The following MKNK1 variants were observed in gnomAD, a reference collection of about 807,000 sequenced individuals.
MKNK1 encodes MAP kinase-interacting serine/threonine-protein kinase 1.
Under a neutral mutation model 49.3 loss-of-function variants are expected in MKNK1, and 30 were observed. The observed-to-expected ratio is 0.61, with a 90% CI of 0.46 to 0.83. The LOEUF (loss-of-function observed/expected upper bound fraction) is 0.83, where lower values mean the gene tolerates loss of function less well. Among genes scored for constraint, MKNK1 ranks in the 40% least tolerant of loss-of-function variants. MKNK1 has a pLI of 0.00. For synonymous variants in MKNK1, 176 were observed against 201.7 expected, an observed-to-expected ratio of 0.87 and a Z score of 1.08; for missense variants, 423 against 524.7, an observed-to-expected ratio of 0.81 and a Z score of 1.89.
chr1:46,567,560 A>G (rs1020905104), intron 8 of MKNK1, among the ~76,000 whole-genome samples: 1 of 152,280 alleles, frequency 6.6e-6, no homozygotes, highest in Non-Finnish European at 1.5e-5. Context: ...AGAAGTCACA[A>G]GATCTTATTT....
intron 1 of MKNK1, among the ~76,000 whole-genome samples, chr1:46,596,089 C>A (rs773049755): frequency 1.2e-4 from 18 of 152,192 alleles, no homozygotes; most frequent in Non-Finnish European, 2.4e-4. Flanking sequence ...TAGGTTTAGA[C>A]CCCCACCTGG....
At chr1:46,565,725 C>T (rs1668942717) in intron 8 of MKNK1, among the ~76,000 whole-genome samples, 1 of 152,174 alleles carries the variant, frequency 6.6e-6, no homozygotes, top group South Asian at 2.1e-4. Flanking sequence ...TGCCTGAGAC[C>T]ACAGACAGGT....
At chr1:46,573,517 C>T (rs1008914849) in intron 6 of MKNK1, among the ~76,000 whole-genome samples, 2 of 152,048 alleles carry the variant, frequency 1.3e-5, no homozygotes, top group East Asian at 3.9e-4. Context: ...CTAAAAATGG[C>T]ACATGTCTAC....
At chr1:46,579,676 C>T (rs145801925) in intron 4 of MKNK1, among the ~76,000 whole-genome samples, 77 of 152,260 alleles carry the variant, frequency 5.1e-4, no homozygotes, top group African/African-American at 1.7e-3. Context: ...AGTTCCCAAG[C>T]GATGCTGAGG....
intron 2 of MKNK1, among the ~76,000 whole-genome samples, chr1:46,584,338 G>A (rs1432995719): frequency 6.6e-6 from 1 of 152,146 alleles, no homozygotes; most frequent in Non-Finnish European, 1.5e-5. Flanking sequence ...GAAATAATAA[G>A]ATTTCTCCGA....
rs377697282 is a variant in MKNK1, at chr1:46,593,956, C to T, written c.-3+157G>A. On this transcript the variant is annotated intron_variant, in intron 2 of 12. Coordinates refer to ENST00000371945, the MANE Select transcript of MKNK1 (RefSeq NM_001135553.4). ...GTAGAAATGTGTTCCTCCTACTAAG[C>T]GTTATCTGAGTCGTACCAGGGCAGC... The T allele has an allele frequency of 1.8e-3, 1,098 of 596,336 alleles. 23 individuals are homozygous for T. In the South Asian group the frequency reaches 0.023, roughly 12 times the overall value. The allele number at this position is 596,336 out of a possible 1,614,324, so 36.9% of individuals were successfully genotyped here. A position where few individuals can be genotyped will look rare whatever the true frequency, so the allele number is the denominator to read the frequency against.
At chr1:46,572,212 G>T in intron 6 of MKNK1, 45 bp from the exon 7 acceptor site, 1 of 1,525,478 alleles carries the variant, frequency 6.6e-7, no homozygotes, top group Non-Finnish European at 9.1e-7. Context: ...TTGGGCTCTA[G>T]TAAGTATAAG....
At chr1:46,560,190 G>A (rs1229152203) in intron 12 of MKNK1, 44 bp downstream of exon 12, 2 of 1,609,954 alleles carry the variant, frequency 1.2e-6, no homozygotes, top group African/African-American at 1.3e-5. Context: ...TGGTGGCTGA[G>A]AGCTTGAGGA....
chr1:46,598,534 G>A (rs1674357940), intron 1 of MKNK1, among the ~76,000 whole-genome samples: 1 of 152,108 alleles, frequency 6.6e-6, no homozygotes, highest in African/African-American at 2.4e-5. Flanking sequence ...ACCAAACTGG[G>A]CATTCATATA....
intron 3 of MKNK1, chr1:46,582,750 T>C (rs920176521): frequency 9.5e-5 from 38 of 398,878 alleles, no homozygotes; most frequent in Non-Finnish European, 1.4e-4. Flanking sequence ...ACGTATTCTT[T>C]AAAATGTAGT....
chr1:46,560,354 G>C, intron 11 of MKNK1, 77 bp from the exon 12 acceptor site: 1 of 1,495,874 alleles, frequency 6.7e-7, no homozygotes, highest in South Asian at 1.1e-5. Flanking sequence ...AGCCAGCAGT[G>C]GGTAGGTTAC....
chr1:46,592,347 T>C (rs1162088107), intron 2 of MKNK1, among the ~76,000 whole-genome samples: 1 of 152,216 alleles, frequency 6.6e-6, no homozygotes, highest in Admixed American at 6.5e-5. Flanking sequence ...ACAGTCTTAC[T>C]CATTGTTGCT....
intron 1 of MKNK1, among the ~76,000 whole-genome samples, chr1:46,596,854 C>T (rs1307754647): frequency 6.6e-6 from 1 of 152,170 alleles, no homozygotes; most frequent in African/African-American, 2.4e-5. Flanking sequence ...CAGTTGGCCG[C>T]AGGAGGGAAT....
rs987152729 is a variant in MKNK1, at chr1:46,560,446, C to A, written c.970-169G>T. Among the ~76,000 whole-genome samples the A allele has an allele frequency of 3.4e-4, 52 of 152,190 alleles. 1 individual carries two copies. Among genetic ancestry groups the A allele is most frequent in the Admixed American group, 6.5e-5 (1 of 15,286 alleles). On this transcript the variant is annotated intron_variant, in intron 11 of 12. Transcript: ENST00000371945. ...TTCCAAGCAGAGAGCAAGAAAGGTA[C>A]AATCTGCAGCCGCAGCCCCCAACAT...
At position 46,586,322 on chromosome 1, in the gene MKNK1, TG is replaced by T. The variant is rs1672563783; in HGVS notation, c.-2-2994del. 1.2e-5 allele frequency: 3 copies of T among 243,510 alleles called. No individual in the cohort carries two copies. In the South Asian group the frequency reaches 1.6e-4, roughly 13 times the overall value. 15.1% of individuals were successfully genotyped at this position (243,510 alleles called of 1,614,324 possible). ...TTTGCAGCTCCCTGATAACTCCAGA[TG>T]AGTTAAGGTTTCTACAGAGACTCTG... On this transcript the variant is annotated intron_variant, in intron 2 of 12. Transcript: ENST00000371945.
At chr1:46,570,574 C>A (rs1413084822) in intron 7 of MKNK1, among the ~76,000 whole-genome samples, 2 of 152,212 alleles carry the variant, frequency 1.3e-5, no homozygotes, top group East Asian at 3.8e-4. Context: ...TTGTGGGCAC[C>A]AGGTGGGATG....
chr1:46,561,119 C>A (rs1038778540), intron 11 of MKNK1, among the ~76,000 whole-genome samples: 2 of 152,216 alleles, frequency 1.3e-5, no homozygotes, highest in African/African-American at 4.8e-5. Context: ...CAGCGCAGCA[C>A]GGCCTTGCTC....
chr1:46,599,578 T>C (rs534873995), intron 1 of MKNK1, among the ~76,000 whole-genome samples: 1 of 152,356 alleles, frequency 6.6e-6, no homozygotes, highest in South Asian at 2.1e-4. Flanking sequence ...GCCTCTTCAC[T>C]GATGTCCCCA....
chr1:46,585,864 G>C (rs1220154517), intron 2 of MKNK1: 2 of 1,298,800 alleles, frequency 1.5e-6, no homozygotes, highest in East Asian at 4.6e-5. Flanking sequence ...CACACACAAA[G>C]ACAGAGTACC....
Sources: gnomAD v4.1 joint callset for allele counts (sites outside exome capture counted in the v4.1 genomes callset) on GRCh38, gnomAD v4.1.1 for gene constraint, MANE v1.5 for transcripts, NCBI Gene and HGNC (gene_info 2026-07-23, HGNC 2026-07-21) for gene names.